MYRFL: variants seen among roughly 807,000 people sequenced by gnomAD.
MYRFL encodes the protein myelin regulatory factor-like protein.
Under a neutral mutation model 109.4 loss-of-function variants are expected in MYRFL, and 88 were observed. The ratio of observed to expected loss-of-function variants is 0.80; its 90% CI spans 0.68 to 0.96. The LOEUF is 0.96. Ranked by LOEUF, MYRFL falls within the 40% of genes least tolerant of loss-of-function variation. The pLI is 0.00. For synonymous variants in MYRFL, 324 were observed against 320.9 expected, an observed-to-expected ratio of 1.01 and a Z score of -0.10; for missense variants, 957 against 954.9, an observed-to-expected ratio of 1.00 and a Z score of -0.03.
intron 5 of MYRFL, among the ~76,000 whole-genome samples, chr12:69,885,183 C>G (rs962062010): frequency 6.6e-6 from 1 of 152,086 alleles, no homozygotes; most frequent in Non-Finnish European, 1.5e-5. Flanking sequence ...TTGCATTGTC[C>G]ACTTCCTGTA....
At chr12:69,891,693 C>CGTTT (rs1886913421) in intron 7 of MYRFL, among the ~76,000 whole-genome samples, 1 of 98,434 alleles carries the variant, frequency 1.0e-5, no homozygotes, top group Admixed American at 9.5e-5. Flanking sequence ...TTCGTTCGTT[C>CGTTT]GTTCTTTCTT....
In MYRFL at chr12:69,955,438, G is replaced by C. The variant is rs1956071243; in HGVS notation, c.2450+1G>C. On this transcript the variant is annotated splice_donor_variant, in intron 22 of 24. Coordinates refer to ENST00000552032, the MANE Select transcript of MYRFL (RefSeq NM_182530.3). LOFTEE classifies it high-confidence loss of function. ...ATGTCAAGTTCTCTCTGGAAATAAA[G>C]TAAGTGCATGGCTGTAAAAAACAAT... 1.6e-6 allele frequency: 1 copy of C among 631,586 alleles called. No homozygotes were observed. The highest frequency in any genetic ancestry group is 1.9e-5 in the African/African-American group (1 of 53,920). The allele number at this position is 631,586 out of a possible 1,614,324, so 39.1% of individuals were successfully genotyped here.
chr12:69,955,444 G>T lies in MYRFL; in HGVS notation c.2450+7G>T. On this transcript the variant is annotated splice_region_variant and intron_variant, in intron 22 of 24. Transcript: ENST00000552032. The stretch of plus-strand genomic sequence containing the variant: ...AGTTCTCTCTGGAAATAAAGTAAGT[G>T]CATGGCTGTAAAAAACAATTTCATT... The T allele has an allele frequency of 1.7e-6, 1 of 599,990 alleles. No individual in the cohort carries two copies. The highest frequency in any genetic ancestry group is 2.1e-5 in the South Asian group (1 of 47,756). The allele number at this position is 599,990 out of a possible 1,614,324, so 37.2% of individuals were successfully genotyped here.
At position 69,926,554 on chromosome 12, in the gene MYRFL, T is replaced by A. The variant is rs1955089936; in HGVS notation, c.1603-17T>A. ...AAATTGTTAATTTATGCACTCTGTT[T>A]GATTTTTCCCTTTTAGGACCAGATC... On this transcript the variant is annotated splice_polypyrimidine_tract_variant and intron_variant, in intron 13 of 24. Coordinates refer to ENST00000552032, the MANE Select transcript of MYRFL (RefSeq NM_182530.3). 6.8e-7 allele frequency: 1 copy of A among 1,476,216 alleles called. No homozygotes were observed. Among genetic ancestry groups the A allele is most frequent in the Non-Finnish European group, 9.0e-7 (1 of 1,116,504 alleles). 91.4% of individuals were successfully genotyped at this position (1,476,216 alleles called of 1,614,324 possible).
At chr12:69,877,468 G>C (rs1885761913) in intron 2 of MYRFL, among the ~76,000 whole-genome samples, 3 of 152,092 alleles carry the variant, frequency 2.0e-5, no homozygotes, top group African/African-American at 4.8e-5. Flanking sequence ...GGATCCCTCT[G>C]TTCCCTCCAC....
chr12:69,952,218 G>A, intron 20 of MYRFL, 43 bp downstream of exon 20: 5 of 1,507,614 alleles, frequency 3.3e-6, no homozygotes, highest in Non-Finnish European at 2.7e-6. Flanking sequence ...GCTTTGCGGG[G>A]CCAGGCCAAC....
intron 1 of MYRFL, among the ~76,000 whole-genome samples, chr12:69,851,426 A>G (rs541732910): frequency 8.5e-5 from 13 of 152,334 alleles, no homozygotes; most frequent in Middle Eastern, 3.4e-3. Flanking sequence ...CATTTTTTGT[A>G]TTAAAATACT....
intron 15 of MYRFL, among the ~76,000 whole-genome samples, chr12:69,929,233 T>C (rs1481645788): frequency 6.6e-6 from 1 of 152,154 alleles, no homozygotes; most frequent in African/African-American, 2.4e-5. Flanking sequence ...CAGGGACTCA[T>C]ATAGGGCTTA....
intron 11 of MYRFL, among the ~76,000 whole-genome samples, chr12:69,908,869 G>C (rs1348192098): frequency 2.0e-5 from 3 of 152,100 alleles, no homozygotes; most frequent in Admixed American, 1.3e-4. Flanking sequence ...ATTAAGCCTA[G>C]TACCCATCAG....
chr12:69,839,021 T>G (rs1348134555), intron 1 of MYRFL, among the ~76,000 whole-genome samples: 1 of 152,230 alleles, frequency 6.6e-6, no homozygotes, highest in Non-Finnish European at 1.5e-5. Flanking sequence ...TTCTTTACCC[T>G]GAGTGATTCC....
intron 1 of MYRFL, among the ~76,000 whole-genome samples, chr12:69,836,236 C>G (rs1219241473): frequency 6.6e-6 from 1 of 152,144 alleles, no homozygotes; most frequent in Non-Finnish European, 1.5e-5. Flanking sequence ...CCTGTGTGTT[C>G]CTTCACCAAT....
chr12:69,903,405 A>T (rs1281411255), intron 10 of MYRFL, among the ~76,000 whole-genome samples: 1 of 152,144 alleles, frequency 6.6e-6, no homozygotes, highest in Non-Finnish European at 1.5e-5. Flanking sequence ...TAGAGATTGG[A>T]TGTTTCAAAT....
intron 2 of MYRFL, among the ~76,000 whole-genome samples, chr12:69,866,721 C>T (rs566528063): frequency 1.3e-5 from 2 of 152,290 alleles, no homozygotes; most frequent in East Asian, 3.9e-4. Context: ...TAGCTGAAAT[C>T]TCATAGGCAG....
chr12:69,839,341 T>G (rs1482995305), intron 1 of MYRFL, among the ~76,000 whole-genome samples: 1 of 152,206 alleles, frequency 6.6e-6, no homozygotes, highest in African/African-American at 2.4e-5. Flanking sequence ...GCAACTCTTC[T>G]TTGCAACCCC....
At position 69,825,686 on chromosome 12, in the gene MYRFL, C is replaced by T. The variant is rs548414317; in HGVS notation, c.46+123C>T. 1.4e-4 allele frequency: 85 copies of T among 622,254 alleles called. No homozygotes were observed. In the South Asian group the frequency reaches 1.5e-3, roughly 11 times the overall value. The allele number at this position is 622,254 out of a possible 1,614,324, so 38.5% of individuals were successfully genotyped here. On this transcript the variant is annotated intron_variant, in intron 1 of 24. Transcript: ENST00000552032. Reference sequence around the variant, plus strand: ...GAAATGCTATCATACTTAGGTAACTCTCCTAATATCAAAAGTAGGGGTTTA... The same window carrying T: ...GAAATGCTATCATACTTAGGTAACTTTCCTAATATCAAAAGTAGGGGTTTA...
intron 2 of MYRFL, among the ~76,000 whole-genome samples, chr12:69,876,000 G>T (rs997215362): frequency 2.0e-4 from 30 of 152,164 alleles, no homozygotes; most frequent in Admixed American, 5.2e-4. Context: ...TTTCAGTTCA[G>T]TCCTGTTGTC....
intron 2 of MYRFL, among the ~76,000 whole-genome samples, chr12:69,865,202 C>T (rs551364279): frequency 9.5e-4 from 144 of 152,212 alleles, no homozygotes; most frequent in Non-Finnish European, 1.7e-3. Context: ...GAAATGAAAC[C>T]CAGAGACTCA....
intron 13 of MYRFL, among the ~76,000 whole-genome samples, chr12:69,919,476 A>G (rs1350222262): frequency 6.6e-6 from 1 of 152,178 alleles, no homozygotes; most frequent in Non-Finnish European, 1.5e-5. Context: ...TGAGTCCAAG[A>G]TTTGTCCTGT....
chr12:69,914,559 C>T (rs970253746), intron 13 of MYRFL, among the ~76,000 whole-genome samples: 1 of 152,178 alleles, frequency 6.6e-6, no homozygotes, highest in Non-Finnish European at 1.5e-5. Context: ...AATTAGTTCT[C>T]TCCCTTGTTT....
Sources: gnomAD v4.1 joint callset for allele counts (sites outside exome capture counted in the v4.1 genomes callset) on GRCh38, gnomAD v4.1.1 for gene constraint, MANE v1.5 for transcripts, NCBI Gene and HGNC (gene_info 2026-07-23, HGNC 2026-07-21) for gene names.